The following FARS2 variants were observed in gnomAD, a reference collection of about 807,000 sequenced individuals.
FARS2 encodes the protein phenylalanyl-tRNA synthetase 2, mitochondrial.
A neutral mutation model predicts 46.4 loss-of-function variants in FARS2; 40 were observed. That is an observed-to-expected ratio of 0.86 (90% CI 0.67 to 1.12). FARS2 has a LOEUF of 1.12. Among genes scored for constraint, FARS2 ranks in the 50% most tolerant of loss-of-function variants. The pLI, the probability that FARS2 is intolerant of heterozygous loss-of-function variation, is 0.00. For synonymous variants in FARS2, 234 were observed against 214.9 expected, an observed-to-expected ratio of 1.09 and a Z score of -0.78; for missense variants, 513 against 567.9, an observed-to-expected ratio of 0.90 and a Z score of 0.98.
At chr6:5,668,659 G>T (rs941749870) in intron 6 of FARS2, among the ~76,000 whole-genome samples, 1 of 146,498 alleles carries the variant, frequency 6.8e-6, no homozygotes, top group Non-Finnish European at 1.5e-5. Context: ...ATGTTACCTT[G>T]AGCAAGTTTC....
intron 1 of FARS2, among the ~76,000 whole-genome samples, chr6:5,331,263 G>A (rs1770782063): frequency 6.6e-6 from 1 of 151,980 alleles, no homozygotes; most frequent in Middle Eastern, 3.4e-3. Flanking sequence ...TCATTTTAAT[G>A]TTACCTCATT....
intron 5 of FARS2, among the ~76,000 whole-genome samples, chr6:5,559,272 T>C (rs1049177805): frequency 3.3e-5 from 5 of 151,970 alleles, no homozygotes; most frequent in African/African-American, 1.2e-4. Flanking sequence ...CTGGACATGG[T>C]GGTGCACCTG....
chr6:5,356,186 C>T (rs770279269), intron 1 of FARS2, among the ~76,000 whole-genome samples: 2 of 152,182 alleles, frequency 1.3e-5, no homozygotes, highest in Admixed American at 6.5e-5. Context: ...CTGTGGCTTA[C>T]GCCTATAATT....
intron 4 of FARS2, among the ~76,000 whole-genome samples, chr6:5,435,260 A>G (rs1763453275): frequency 1.3e-5 from 2 of 152,258 alleles, no homozygotes; most frequent in Non-Finnish European, 2.9e-5. Context: ...AAACAAATAC[A>G]TAGCAAACAA....
At chr6:5,543,025 T>C (rs985614684) in intron 4 of FARS2, among the ~76,000 whole-genome samples, 2 of 152,224 alleles carry the variant, frequency 1.3e-5, no homozygotes, top group African/African-American at 4.8e-5. Flanking sequence ...GGATGACCCA[T>C]GTACACTTGA....
intron 1 of FARS2, among the ~76,000 whole-genome samples, chr6:5,290,800 A>G (rs760691945): frequency 5.3e-5 from 8 of 152,226 alleles, no homozygotes; most frequent in Non-Finnish European, 1.0e-4. Context: ...GGGTCACTGT[A>G]GCCTCCACCT....
At chr6:5,593,625 T>C (rs1358424916) in intron 5 of FARS2, among the ~76,000 whole-genome samples, 1 of 152,224 alleles carries the variant, frequency 6.6e-6, no homozygotes, top group Admixed American at 6.5e-5. Context: ...GCTGTCTCCA[T>C]ATTACCTGTC....
At chr6:5,303,881 A>T (rs965518245) in intron 1 of FARS2, among the ~76,000 whole-genome samples, 12 of 151,458 alleles carry the variant, frequency 7.9e-5, no homozygotes, top group Non-Finnish European at 1.2e-4. Context: ...GCAGATGGAC[A>T]CTGCTCATTT....
intron 4 of FARS2, among the ~76,000 whole-genome samples, chr6:5,480,704 T>C (rs1001785705): frequency 6.6e-6 from 1 of 152,154 alleles, no homozygotes; most frequent in African/African-American, 2.4e-5. Flanking sequence ...CTCTGTCCCC[T>C]TCCCTCAAAT....
intron 6 of FARS2, among the ~76,000 whole-genome samples, chr6:5,747,348 G>A (rs556056726): frequency 1.3e-5 from 2 of 152,382 alleles, no homozygotes; most frequent in East Asian, 3.9e-4. Flanking sequence ...GGAGGCAAGG[G>A]TGGAAGCAGG....
intron 5 of FARS2, among the ~76,000 whole-genome samples, chr6:5,550,195 G>A (rs1771287579): frequency 6.6e-6 from 1 of 152,154 alleles, no homozygotes; most frequent in Non-Finnish European, 1.5e-5. Context: ...AGGTTTCAAG[G>A]CCTGGGGATA....
intron 2 of FARS2, among the ~76,000 whole-genome samples, chr6:5,376,480 T>A (rs181819911): frequency 6.6e-6 from 1 of 152,248 alleles, no homozygotes; most frequent in Non-Finnish European, 1.5e-5. Flanking sequence ...TAGTTTCCAA[T>A]GAAAACAAAA....
intron 6 of FARS2, among the ~76,000 whole-genome samples, chr6:5,623,086 T>C (rs1775855655): frequency 6.6e-6 from 1 of 152,230 alleles, no homozygotes; most frequent in Non-Finnish European, 1.5e-5. Context: ...GGAGCCTTAG[T>C]TTCCTCATCT....
chr6:5,580,554 CG>C (rs1773273119), intron 5 of FARS2, among the ~76,000 whole-genome samples: 1 of 152,186 alleles, frequency 6.6e-6, no homozygotes, highest in Non-Finnish European at 1.5e-5. Flanking sequence ...CAGCAGCCCC[CG>C]TGTGTCTCTG....
At chr6:5,342,289 A>C (rs918738060) in intron 1 of FARS2, among the ~76,000 whole-genome samples, 1 of 152,248 alleles carries the variant, frequency 6.6e-6, no homozygotes, top group Non-Finnish European at 1.5e-5. Flanking sequence ...ACAATAATCA[A>C]CAGTTGCACT....
At chr6:5,644,284 C>T (rs1456295065) in intron 6 of FARS2, among the ~76,000 whole-genome samples, 1 of 152,230 alleles carries the variant, frequency 6.6e-6, no homozygotes, top group Admixed American at 6.5e-5. Flanking sequence ...GCAGTCACAG[C>T]TCACTGCAGC....
intron 1 of FARS2, among the ~76,000 whole-genome samples, chr6:5,332,171 A>G (rs566893537): frequency 1.3e-5 from 2 of 152,320 alleles, no homozygotes; most frequent in East Asian, 3.9e-4. Flanking sequence ...AACTTTAGAG[A>G]CATGCTCTCA....
At chr6:5,474,729 C>A (rs1363631355) in intron 4 of FARS2, among the ~76,000 whole-genome samples, 2 of 142,240 alleles carry the variant, frequency 1.4e-5, no homozygotes, top group African/African-American at 2.6e-5. Flanking sequence ...GGCATGATCT[C>A]TGTTCACTGC....
intron 6 of FARS2, among the ~76,000 whole-genome samples, chr6:5,733,656 G>C (rs1760783354): frequency 6.6e-6 from 1 of 152,176 alleles, no homozygotes; most frequent in Non-Finnish European, 1.5e-5. Flanking sequence ...TAGTAGCCCA[G>C]AGTTGAGTCT....
Sources: gnomAD v4.1 joint callset for allele counts (sites outside exome capture counted in the v4.1 genomes callset) on GRCh38, gnomAD v4.1.1 for gene constraint, MANE v1.5 for transcripts, NCBI Gene and HGNC (gene_info 2026-07-23, HGNC 2026-07-21) for gene names.